The following CFAP43 variants were observed in gnomAD, a reference collection of about 807,000 sequenced individuals.
CFAP43 encodes cilia and flagella associated protein 43, also known as cilia- and flagella-associated protein 43.
A neutral mutation model predicts 218.9 loss-of-function variants in CFAP43; 155 were observed. The observed-to-expected ratio is 0.71, with a 90% confidence interval of 0.62 to 0.81. CFAP43 has a LOEUF of 0.81. Ranked by LOEUF, CFAP43 falls within the 30% of genes least tolerant of loss-of-function variation. CFAP43 has a pLI of 0.00. For synonymous variants in CFAP43, 645 were observed against 681.3 expected, an observed-to-expected ratio of 0.95 and a Z score of 0.83; for missense variants, 1,778 against 1,954.3, an observed-to-expected ratio of 0.91 and a Z score of 1.70.
Position 104,174,354 on chromosome 10 carries a change from A to T in CFAP43, c.2461-1819T>A, listed in dbSNP as rs372310770. 1.2e-4 allele frequency among the ~76,000 whole-genome samples: 19 copies of T among 152,382 alleles called. No individual in the cohort carries two copies. In the South Asian group the frequency reaches 3.7e-3, roughly 30 times the overall value. On this transcript the variant is annotated intron_variant, in intron 19 of 37. Coordinates refer to ENST00000357060, the MANE Select transcript of CFAP43 (RefSeq NM_025145.7). Reference sequence around the variant, plus strand: ...GAAAGTGAAAGGAAAGGCATGTCTCACATGGCAGCAGACAAGAGAAGAGAG... The same window carrying T: ...GAAAGTGAAAGGAAAGGCATGTCTCTCATGGCAGCAGACAAGAGAAGAGAG...
chr10:104,231,600 G>A (rs1298760670), intron 1 of CFAP43, among the ~76,000 whole-genome samples: 1 of 152,226 alleles, frequency 6.6e-6, no homozygotes, highest in Non-Finnish European at 1.5e-5. Flanking sequence ...TCCAGGACTA[G>A]CAGGGGATGC....
In CFAP43 at chr10:104,155,790, G is replaced by T. The variant is rs112895185; in HGVS notation, c.3541-3064C>A. Among the ~76,000 whole-genome samples, 1,413 of 152,164 alleles carry T rather than the reference G, an allele frequency of 9.3e-3. 14 individuals are homozygous for T. Among genetic ancestry groups the T allele is most frequent in the African/African-American group, 0.032 (1,346 of 41,490 alleles). ...TGTGTCAAGGACCTGCAGCGAGAAT[G>T]ACCTACAGGTGTTCAAGTCAAGAGT... On this transcript the variant is annotated intron_variant, in intron 27 of 37. Coordinates refer to ENST00000357060, the MANE Select transcript of CFAP43 (RefSeq NM_025145.7).
At chr10:104,187,138 A>G (rs2090056557) in intron 14 of CFAP43, among the ~76,000 whole-genome samples, 182 bp downstream of exon 14, 4 of 152,210 alleles carry the variant, frequency 2.6e-5, no homozygotes, top group Admixed American at 2.6e-4. Flanking sequence ...GCTCAAATAT[A>G]TTGTATGATG....
intron 28 of CFAP43, among the ~76,000 whole-genome samples, chr10:104,151,212 CATGT>C (rs1287441568): frequency 2.6e-5 from 4 of 152,214 alleles, no homozygotes; most frequent in East Asian, 1.9e-4. Context: ...CATATGCATG[CATGT>C]GTCTTTATAA....
At chr10:104,229,483 T>A (rs2091390689) in intron 2 of CFAP43, among the ~76,000 whole-genome samples, 1 of 131,366 alleles carries the variant, frequency 7.6e-6, no homozygotes, top group Non-Finnish European at 1.6e-5. Context: ...TAAAACCCCA[T>A]CCTCTGCCAA....
At chr10:104,166,142 C>T (rs558108031) in intron 23 of CFAP43, among the ~76,000 whole-genome samples, 8 of 152,298 alleles carry the variant, frequency 5.3e-5, no homozygotes, top group Admixed American at 1.3e-4. Context: ...GGCATGATCT[C>T]GGCTCACTGC....
intron 6 of CFAP43, among the ~76,000 whole-genome samples, chr10:104,206,804 C>G (rs937002493): frequency 1.3e-5 from 2 of 152,202 alleles, no homozygotes; most frequent in Non-Finnish European, 2.9e-5. Flanking sequence ...CAGGCCCAAC[C>G]ATGGCCACAG....
At position 104,182,354 on chromosome 10, in the gene CFAP43, T is replaced by A; in HGVS notation, c.2289+12A>T. On this transcript the variant is annotated intron_variant, in intron 17 of 37. Transcript: ENST00000357060. ...AATGTAAGCAAGCAAGCTAGTCATATAGGAACTCAACTGTGTGTTCAGAAT... is the reference window on the plus strand; with the variant it reads ...AATGTAAGCAAGCAAGCTAGTCATAAAGGAACTCAACTGTGTGTTCAGAAT... The A allele has an allele frequency of 4.4e-6, 7 of 1,575,656 alleles. No homozygotes were observed. The highest frequency in any genetic ancestry group is 6.0e-6 in the Non-Finnish European group (7 of 1,166,822).
intron 10 of CFAP43, among the ~76,000 whole-genome samples, chr10:104,195,766 T>C (rs1358774031): frequency 1.3e-5 from 2 of 152,250 alleles, no homozygotes; most frequent in African/African-American, 4.8e-5. Context: ...ACTGTGAACA[T>C]GGCAGAAATA....
chr10:104,230,972 A>G, intron 1 of CFAP43, 129 bp from the exon 2 acceptor site: 1 of 1,025,432 alleles, frequency 9.8e-7, no homozygotes, highest in Non-Finnish European at 1.4e-6. Flanking sequence ...CCAATTTCTA[A>G]GATAAAAGAA....
At position 104,182,414 on chromosome 10, in the gene CFAP43, G is replaced by A. The variant is rs751761897; in HGVS notation, c.2241C>T (p.Ser747=). The A allele has an allele frequency of 1.2e-6, 2 of 1,611,936 alleles. No individual in the cohort carries two copies. The highest frequency in any genetic ancestry group is 3.4e-5 in the Admixed American group (2 of 59,578). Reference sequence around the variant, plus strand: ...AATCTACGGAAACTTTTGGTGTTGTGCTTAAATAATGATTCTCCTTGTCCA... The same window carrying A: ...AATCTACGGAAACTTTTGGTGTTGTACTTAAATAATGATTCTCCTTGTCCA... ...SAMDKENHYL[S]TTPKVSVDLG... Residue 747 remains serine, a synonymous_variant, in exon 17 of 38, where the codon AGC becomes AGT. Transcript: ENST00000357060.
At chr10:104,143,953 G>A (rs1212649200) in intron 31 of CFAP43, among the ~76,000 whole-genome samples, 2 of 152,124 alleles carry the variant, frequency 1.3e-5, no homozygotes, top group Non-Finnish European at 2.9e-5. Flanking sequence ...TCAACCCATC[G>A]TTTCACCTCA....
chr10:104,218,823 C>G lies in CFAP43; in HGVS notation c.417-4397G>C, dbSNP rs74154754. On this transcript the variant is annotated intron_variant, in intron 3 of 37. Coordinates refer to ENST00000357060, the MANE Select transcript of CFAP43 (RefSeq NM_025145.7). ...GCTGTTCCTAGGGTGTTGCCCTCAT[C>G]TCTACTATTTAACCCATTATAGACC... 2.3e-3 allele frequency: 1,232 copies of G among 544,808 alleles called. 16 individuals carry two copies. The highest frequency in any genetic ancestry group is 0.021 in the African/African-American group (1,093 of 52,370). The allele number at this position is 544,808 out of a possible 1,614,324, so 33.7% of individuals were successfully genotyped here. A position where few individuals can be genotyped will look rare whatever the true frequency, so the allele number is the denominator to read the frequency against.
intron 19 of CFAP43, among the ~76,000 whole-genome samples, chr10:104,176,062 A>T (rs908914425): frequency 1.3e-5 from 2 of 152,056 alleles, no homozygotes; most frequent in Non-Finnish European, 2.9e-5. Context: ...AAAAAGGCCA[A>T]TTTTTTTTAA....
intron 20 of CFAP43, among the ~76,000 whole-genome samples, chr10:104,171,773 A>C (rs1564751707): frequency 1.3e-5 from 2 of 152,252 alleles, no homozygotes. Flanking sequence ...ATAGAAGTAT[A>C]GTATGAATGG....
At chr10:104,180,048 G>T (rs1589717165) in intron 17 of CFAP43, 116 bp from the exon 18 acceptor site, 1 of 780,208 alleles carries the variant, frequency 1.3e-6, no homozygotes, top group East Asian at 2.5e-5. Context: ...TTGCATTTTT[G>T]AAAATAATCT....
chr10:104,214,151 A>ACATGTGTG lies in CFAP43; in HGVS notation c.584+107_584+108insCACACATG, dbSNP rs1345312504. On this transcript the variant is annotated intron_variant, in intron 4 of 37. Coordinates refer to ENST00000357060, the MANE Select transcript of CFAP43 (RefSeq NM_025145.7). ...TATGTGTGTGTATGTGTGTGTATGC[A>ACATGTGTG]TATATATGTATGTATAAAGCCACTT... 55 of 1,031,452 alleles carry ACATGTGTG rather than the reference A, an allele frequency of 5.3e-5. No individual in the cohort carries two copies. In the African/African-American group the frequency reaches 8.0e-4, roughly 15 times the overall value. 63.9% of individuals were successfully genotyped at this position (1,031,452 alleles called of 1,614,324 possible).
chr10:104,211,220 A>AAT (rs1273979847), intron 5 of CFAP43, among the ~76,000 whole-genome samples: 1 of 152,174 alleles, frequency 6.6e-6, no homozygotes, highest in Non-Finnish European at 1.5e-5. Flanking sequence ...GTAATGATTC[A>AAT]ATATATCATT....
At chr10:104,163,742 C>T (rs189729415) in intron 24 of CFAP43, among the ~76,000 whole-genome samples, 1 of 152,298 alleles carries the variant, frequency 6.6e-6, no homozygotes, top group East Asian at 1.9e-4. Context: ...CTAATTCAGA[C>T]CAGCTACTTT....
Sources: gnomAD v4.1 joint callset for allele counts (sites outside exome capture counted in the v4.1 genomes callset) on GRCh38, gnomAD v4.1.1 for gene constraint, MANE v1.5 for transcripts, NCBI Gene and HGNC (gene_info 2026-07-23, HGNC 2026-07-21) for gene names.